The following PPARGC1A variants were observed in gnomAD, a reference collection of about 807,000 sequenced individuals.
PPARGC1A encodes peroxisome proliferator-activated receptor gamma coactivator 1-alpha.
In PPARGC1A, 25 loss-of-function variants were observed where a neutral mutation model predicts 88.7. That is an observed-to-expected ratio of 0.28 (90% confidence interval 0.21 to 0.39). The LOEUF is 0.39. PPARGC1A is among the 10% of genes least tolerant of loss of function. The pLI is 1.00. For synonymous variants in PPARGC1A, 363 were observed against 355.6 expected (o/e 1.02, Z -0.24); for missense variants, 880 against 968.7 (o/e 0.91, Z 1.22).
chr4:23,850,352 A>C (rs184251724), intron 2 of PPARGC1A, among the ~76,000 whole-genome samples: 1 of 152,324 alleles, frequency 6.6e-6, no homozygotes, highest in Non-Finnish European at 1.5e-5. Context: ...ATTTTCTTTG[A>C]GCTTCTGTGA....
the PPARGC1A span, among the ~76,000 whole-genome samples, chr4:24,337,737 C>A: frequency 6.6e-6 from 1 of 151,772 alleles, no homozygotes; most frequent in Non-Finnish European, 1.5e-5. Flanking sequence ...AATAACTTGT[C>A]CCAGATCACA....
intron 10 of PPARGC1A, among the ~76,000 whole-genome samples, chr4:23,802,692 A>T (rs1719026268): frequency 6.6e-6 from 1 of 151,328 alleles, no homozygotes; most frequent in Non-Finnish European, 1.5e-5. Flanking sequence ...AAAAAAAAAA[A>T]AAAAAAAAAG....
chr4:24,170,652 T>C, the PPARGC1A span, among the ~76,000 whole-genome samples: 1 of 152,116 alleles, frequency 6.6e-6, no homozygotes, highest in East Asian at 1.9e-4. Flanking sequence ...GGCTCAAATC[T>C]CCTTCACTCA....
chr4:24,063,291 C>G, the PPARGC1A span, among the ~76,000 whole-genome samples: 3 of 152,158 alleles, frequency 2.0e-5, no homozygotes, highest in Admixed American at 2.0e-4. Flanking sequence ...TCAAGCCTGA[C>G]AAGAGGGGAA....
chr4:24,036,690 T>C, the PPARGC1A span, among the ~76,000 whole-genome samples: 1 of 151,742 alleles, frequency 6.6e-6, no homozygotes, highest in East Asian at 1.9e-4. Context: ...ACAGACAAAT[T>C]GATAATGATA....
At chr4:24,122,657 A>G in the PPARGC1A span, among the ~76,000 whole-genome samples, 1 of 152,130 alleles carries the variant, frequency 6.6e-6, no homozygotes, top group Non-Finnish European at 1.5e-5. Flanking sequence ...GGACATGGAA[A>G]TGGGACATAC....
the PPARGC1A span, among the ~76,000 whole-genome samples, chr4:24,441,008 T>C: frequency 6.6e-6 from 1 of 152,162 alleles, no homozygotes; most frequent in African/African-American, 2.4e-5. Flanking sequence ...AGCATAGGTT[T>C]TTCTGGCTCA....
At chr4:24,333,098 T>C in the PPARGC1A span, among the ~76,000 whole-genome samples, 1 of 152,070 alleles carries the variant, frequency 6.6e-6, no homozygotes, top group East Asian at 1.9e-4. Flanking sequence ...AAAAATTAGC[T>C]GGGCGTGGTG....
the PPARGC1A span, among the ~76,000 whole-genome samples, chr4:24,217,124 A>G: frequency 6.6e-5 from 10 of 152,334 alleles, no homozygotes; most frequent in South Asian, 2.1e-3. Flanking sequence ...ATGTGAGCTA[A>G]GGACATGAAG....
At chr4:23,838,932 C>T (rs1002469524) in intron 2 of PPARGC1A, among the ~76,000 whole-genome samples, 1 of 152,122 alleles carries the variant, frequency 6.6e-6, no homozygotes, top group Non-Finnish European at 1.5e-5. Context: ...TCTGTACATA[C>T]ATTGCTCCTC....
the PPARGC1A span, among the ~76,000 whole-genome samples, chr4:24,129,867 A>G: frequency 6.6e-6 from 1 of 152,136 alleles, no homozygotes; most frequent in Non-Finnish European, 1.5e-5. Flanking sequence ...GAAGCTGGAA[A>G]CCATCATTCT....
chr4:23,957,358 T>C, the PPARGC1A span, among the ~76,000 whole-genome samples: 4 of 152,088 alleles, frequency 2.6e-5, no homozygotes, highest in African/African-American at 4.8e-5. Flanking sequence ...GGGTCTCTGT[T>C]TTATTTTTTT....
chr4:24,381,806 T>G, the PPARGC1A span, among the ~76,000 whole-genome samples: 1 of 152,258 alleles, frequency 6.6e-6, no homozygotes, highest in Non-Finnish European at 1.5e-5. Context: ...CTTTCATCAT[T>G]AGGTAGACCT....
chr4:24,107,390 G>A, the PPARGC1A span, among the ~76,000 whole-genome samples: 188 of 152,254 alleles, frequency 1.2e-3, no homozygotes, highest in Non-Finnish European at 2.0e-3. Flanking sequence ...AATGACTTCC[G>A]TCTAGTAGGG....
the PPARGC1A span, among the ~76,000 whole-genome samples, chr4:24,305,816 AAAAATTT>A: frequency 6.6e-6 from 1 of 152,100 alleles, no homozygotes; most frequent in African/African-American, 2.4e-5. Flanking sequence ...ACATCTCAAA[AAAAATTT>A]AAAAAGAGGG....
chr4:24,153,848 GC>G, the PPARGC1A span, among the ~76,000 whole-genome samples: 2 of 151,992 alleles, frequency 1.3e-5, no homozygotes, highest in Non-Finnish European at 2.9e-5. Flanking sequence ...TGGGCCACCA[GC>G]CCCAGAAAGG....
At chr4:24,095,034 A>C in the PPARGC1A span, among the ~76,000 whole-genome samples, 1 of 152,044 alleles carries the variant, frequency 6.6e-6, no homozygotes, top group Non-Finnish European at 1.5e-5. Flanking sequence ...GTATTTTCAA[A>C]TGCAAGTGCT....
At chr4:23,908,559 T>C (rs1047750917), upstream of PPARGC1A, among the ~76,000 whole-genome samples, 1 of 150,668 alleles carries the variant, frequency 6.6e-6, no homozygotes, top group Non-Finnish European at 1.5e-5. Flanking sequence ...TCCAGAGAAA[T>C]ATATCTCTTC....
chr4:24,370,010 G>A, the PPARGC1A span, among the ~76,000 whole-genome samples: 2 of 152,062 alleles, frequency 1.3e-5, no homozygotes, highest in African/African-American at 4.8e-5. Flanking sequence ...CTTGGCTTGG[G>A]GATAATAAGC....
Sources: gnomAD v4.1 joint callset for allele counts (sites outside exome capture counted in the v4.1 genomes callset) on GRCh38, gnomAD v4.1.1 for gene constraint, MANE v1.5 for transcripts, NCBI Gene and HGNC (gene_info 2026-07-23, HGNC 2026-07-21) for gene names.